CBR4: variants seen among roughly 807,000 people sequenced by gnomAD.
The protein encoded by CBR4 is carbonyl reductase 4, also known as 3-oxoacyl-[acyl-carrier-protein] reductase.
In CBR4, 22 loss-of-function variants were observed where a neutral mutation model predicts 21.0. The observed-to-expected ratio is 1.05, with a 90% confidence interval of 0.75 to 1.50. The LOEUF (loss-of-function observed/expected upper bound fraction) is 1.50, where lower values mean the gene tolerates loss of function less well. Ranked by LOEUF, CBR4 falls within the 40% of genes most tolerant of loss-of-function variation. The pLI, the probability that CBR4 is intolerant of heterozygous loss-of-function variation, is 0.00. For missense variants in CBR4, 302 were observed against 286.3 expected (o/e 1.05, Z -0.40); for synonymous variants, 100 against 104.4 (o/e 0.96, Z 0.26).
rs771136281 is a variant in CBR4 at position 168,989,573 on chromosome 4, T to C, written c.*577A>G. 2.1e-4 allele frequency: 207 copies of C among 985,318 alleles called. No individual in the cohort carries two copies. The highest frequency in any genetic ancestry group is 2.4e-4 in the Non-Finnish European group (202 of 829,924). The allele number at this position is 985,318 out of a possible 1,614,324, so 61.0% of individuals were successfully genotyped here. ...TATCTTTAGTGGGCTTGCTAAAGTA[T>C]TGACAACTAATCAGTGTCCTCTAAA... On this transcript the variant is annotated 3_prime_UTR_variant, in exon 5 of 5. Coordinates refer to ENST00000306193, the MANE Select transcript of CBR4 (RefSeq NM_032783.5).
intron 2 of CBR4, among the ~76,000 whole-genome samples, chr4:168,968,993 G>A (rs1034675976): frequency 2.0e-5 from 3 of 152,200 alleles, no homozygotes; most frequent in Non-Finnish European, 4.4e-5. Flanking sequence ...GTGGACCGAA[G>A]TGTAAAACAG....
intron 2 of CBR4, among the ~76,000 whole-genome samples, chr4:168,973,518 G>A (rs1164299971): frequency 6.6e-6 from 1 of 152,102 alleles, no homozygotes; most frequent in African/African-American, 2.4e-5. Context: ...CGTAGAGATG[G>A]GGTTTCACCA....
chr4:168,998,168 T>C (rs533343138), intron 4 of CBR4, among the ~76,000 whole-genome samples: 129 of 152,288 alleles, frequency 8.5e-4, no homozygotes, highest in Non-Finnish European at 1.2e-3. Context: ...GAAATAAACA[T>C]AATACTATTT....
chr4:168,926,571 A>T, intron 2 of CBR4: 1 of 525,346 alleles, frequency 1.9e-6, no homozygotes, highest in Non-Finnish European at 3.4e-6. Flanking sequence ...GCTAATACAA[A>T]TATACACATT....
chr4:168,925,416 G>A, intron 2 of CBR4: 1 of 737,906 alleles, frequency 1.4e-6, no homozygotes, highest in Non-Finnish European at 2.5e-6. Context: ...TTTTTCACAT[G>A]TTCTTGTTAC....
At chr4:168,924,869 A>G in intron 2 of CBR4, 1 of 1,407,560 alleles carries the variant, frequency 7.1e-7, no homozygotes, top group East Asian at 2.3e-5. Flanking sequence ...CTAATGATCT[A>G]ATTAAAAATG....
At chr4:168,963,584 C>T (rs1211150181) in intron 2 of CBR4, among the ~76,000 whole-genome samples, 5 of 151,780 alleles carry the variant, frequency 3.3e-5, no homozygotes, top group Non-Finnish European at 7.4e-5. Flanking sequence ...AGTTCTCCTA[C>T]CTCAGCCTCC....
intron 2 of CBR4, among the ~76,000 whole-genome samples, chr4:168,941,100 C>T (rs1763250650): frequency 6.6e-6 from 1 of 152,014 alleles, no homozygotes; most frequent in Non-Finnish European, 1.5e-5. Flanking sequence ...AACCAAACAC[C>T]ACATGTTCTC....
At chr4:168,928,318 TG>T (rs1263549030) in intron 2 of CBR4, 13 of 103,572 alleles carry the variant, frequency 1.3e-4, no homozygotes, top group Non-Finnish European at 2.5e-4. Context: ...ACCTTTATAT[TG>T]TATTTATAAA....
chr4:169,005,941 A>G (rs1263713764), intron 3 of CBR4: 1 of 1,267,384 alleles, frequency 7.9e-7, no homozygotes, highest in East Asian at 5.6e-5. Context: ...ATTTGAAAAT[A>G]AAAAGCAGAT....
At chr4:168,954,998 T>C (rs1763643360) in intron 2 of CBR4, among the ~76,000 whole-genome samples, 1 of 152,146 alleles carries the variant, frequency 6.6e-6, no homozygotes, top group African/African-American at 2.4e-5. Context: ...AGATAACTAA[T>C]TAAATGAACA....
chr4:168,966,356 C>CAAAAAAAAAAAA (rs1215042926), intron 2 of CBR4, among the ~76,000 whole-genome samples: 15 of 75,158 alleles, frequency 2.0e-4, no homozygotes, highest in Admixed American at 3.3e-4. Flanking sequence ...ACTAAAAATA[C>CAAAAAAAAAAAA]AAAAAAAAAA....
chr4:168,986,975 G>A (rs999979107), downstream of CBR4, among the ~76,000 whole-genome samples: 1 of 152,080 alleles, frequency 6.6e-6, no homozygotes, highest in Non-Finnish European at 1.5e-5. Context: ...AAATAAATAA[G>A]TGTCTTAAAT....
chr4:169,006,535 T>C (rs1454287558), intron 3 of CBR4, among the ~76,000 whole-genome samples: 1 of 152,234 alleles, frequency 6.6e-6, no homozygotes, highest in Non-Finnish European at 1.5e-5. Context: ...GTCATTTTTC[T>C]AGTACTCAGT....
intron 4 of CBR4, among the ~76,000 whole-genome samples, chr4:168,990,529 G>A (rs978331198): frequency 3.9e-5 from 6 of 151,916 alleles, no homozygotes; most frequent in African/African-American, 1.4e-4. Flanking sequence ...CTGGACCTCT[G>A]GGGCACAGGT....
intron 2 of CBR4, among the ~76,000 whole-genome samples, chr4:168,981,119 G>T (rs868319052): frequency 6.6e-6 from 1 of 152,198 alleles, no homozygotes; most frequent in Middle Eastern, 3.4e-3. Context: ...AAAGAACCAG[G>T]CCAGGCGTGG....
chr4:168,941,214 A>G (rs1582297834), intron 2 of CBR4, among the ~76,000 whole-genome samples: 1 of 152,326 alleles, frequency 6.6e-6, no homozygotes, highest in Non-Finnish European at 1.5e-5. Flanking sequence ...ATTAGGAGAA[A>G]GACCTAATGT....
intron 2 of CBR4, among the ~76,000 whole-genome samples, chr4:168,932,001 T>C (rs1345230985): frequency 1.3e-5 from 2 of 151,832 alleles, no homozygotes; most frequent in Non-Finnish European, 2.9e-5. Context: ...ACCAGATGCA[T>C]AGAAATCAAC....
chr4:168,960,772 C>T (rs1333127047), intron 2 of CBR4, among the ~76,000 whole-genome samples: 1 of 152,144 alleles, frequency 6.6e-6, no homozygotes, highest in East Asian at 1.9e-4. Flanking sequence ...AATAAGTTTG[C>T]TGAGATTTAA....
Sources: gnomAD v4.1 joint callset for allele counts (sites outside exome capture counted in the v4.1 genomes callset) on GRCh38, gnomAD v4.1.1 for gene constraint, MANE v1.5 for transcripts, NCBI Gene and HGNC (gene_info 2026-07-23, HGNC 2026-07-21) for gene names.